CDH11: variants seen among roughly 807,000 people sequenced by gnomAD.
CDH11 encodes the protein cadherin 11, also known as cadherin-11.
Under a neutral mutation model 67.8 loss-of-function variants are expected in CDH11, and 11 were observed. The ratio of observed to expected loss-of-function variants is 0.16; its 90% CI spans 0.10 to 0.27. CDH11 has a LOEUF of 0.27. Ranked by LOEUF, CDH11 falls within the 10% of genes least tolerant of loss-of-function variation. The probability of loss-of-function intolerance (pLI) is 1.00; values close to 1 mark genes in which losing one functional copy is unlikely to be tolerated. For missense variants in CDH11, 847 were observed against 1,031.2 expected, an observed-to-expected ratio of 0.82 and a Z score of 2.45; for synonymous variants, 419 against 400.0, an observed-to-expected ratio of 1.05 and a Z score of -0.57.
chr16:64,972,756 A>G (rs942526153), intron 9 of CDH11, 148 bp downstream of exon 9: 1 of 737,538 alleles, frequency 1.4e-6, no homozygotes, highest in Non-Finnish European at 2.2e-6. Context: ...ACTCCTAGAA[A>G]GATAACCGAA....
intron 1 of CDH11, among the ~76,000 whole-genome samples, chr16:65,069,733 G>T (rs536344630): frequency 1.9e-4 from 29 of 152,244 alleles, no homozygotes; most frequent in African/African-American, 6.5e-4. Flanking sequence ...ACTTTCTTGG[G>T]TTAACAGAAC....
At chr16:65,033,322 T>C (rs1045723763) in intron 2 of CDH11, among the ~76,000 whole-genome samples, 3 of 152,006 alleles carry the variant, frequency 2.0e-5, no homozygotes, top group Non-Finnish European at 4.4e-5. Flanking sequence ...GTTGTGCATA[T>C]GCAAATAAAG....
chr16:65,121,071 T>C lies in CDH11; in HGVS notation c.-298+809A>G, dbSNP rs2075320259. ...CGCGCTCCGAGAAGCGGCGCAGGTTTCGGGAAGGTGTGGTTCTCAAAGTTA... is the reference window on the plus strand; with the variant it reads ...CGCGCTCCGAGAAGCGGCGCAGGTTCCGGGAAGGTGTGGTTCTCAAAGTTA... On this transcript the variant is annotated intron_variant, in intron 1 of 12. Coordinates refer to ENST00000268603, the MANE Select transcript of CDH11 (RefSeq NM_001797.4). This position sits in a 1 kb window ranked among gnomAD's most constrained non-coding sequence, Gnocchi z 4.1. 6.6e-6 allele frequency among the ~76,000 whole-genome samples: 1 copy of C among 152,050 alleles called. No individual in the cohort carries two copies.
At chr16:64,974,538 A>AC (rs1411145430) in intron 8 of CDH11, among the ~76,000 whole-genome samples, 7 of 151,846 alleles carry the variant, frequency 4.6e-5, no homozygotes, top group South Asian at 2.1e-4. Context: ...GGAAAGAGGG[A>AC]CCCCCCACTG....
At chr16:65,066,404 C>G (rs2074313608) in intron 1 of CDH11, among the ~76,000 whole-genome samples, 1 of 152,142 alleles carries the variant, frequency 6.6e-6, no homozygotes, top group Admixed American at 6.5e-5. Context: ...CTATTATGTG[C>G]CAGGCATCAG....
At chr16:64,966,007 A>G (rs1368484680) in intron 11 of CDH11, among the ~76,000 whole-genome samples, 5 of 152,080 alleles carry the variant, frequency 3.3e-5, no homozygotes, top group African/African-American at 1.2e-4. Flanking sequence ...AGTAAAAAGA[A>G]AAAAAAAGAA....
chr16:65,039,683 T>A (rs981981491), intron 2 of CDH11, among the ~76,000 whole-genome samples: 4 of 152,104 alleles, frequency 2.6e-5, no homozygotes, highest in African/African-American at 9.7e-5. Context: ...CCAAAAGCAA[T>A]GGCAACAAAA....
intron 1 of CDH11, among the ~76,000 whole-genome samples, chr16:65,117,443 T>C (rs1242110105): frequency 6.6e-6 from 1 of 152,172 alleles, no homozygotes; most frequent in Non-Finnish European, 1.5e-5. Flanking sequence ...TTGTGTAGCC[T>C]GGAATATGCA....
At chr16:65,053,303 C>T (rs1295583386) in intron 2 of CDH11, among the ~76,000 whole-genome samples, 1 of 152,184 alleles carries the variant, frequency 6.6e-6, no homozygotes, top group East Asian at 1.9e-4. Flanking sequence ...ATAGCACAGA[C>T]AGTGAATGGC....
chr16:65,110,776 C>T (rs561521120), intron 1 of CDH11, among the ~76,000 whole-genome samples: 101 of 151,932 alleles, frequency 6.6e-4, no homozygotes, highest in African/African-American at 2.3e-3. Context: ...CCTTTAAGCC[C>T]CTGGAGTAGA....
intron 9 of CDH11, among the ~76,000 whole-genome samples, chr16:64,972,645 A>T (rs760330617): frequency 3.3e-5 from 5 of 152,188 alleles, no homozygotes; most frequent in Non-Finnish European, 7.3e-5. Flanking sequence ...TCTTTCAGTG[A>T]TGGTTATGAG....
At position 65,021,876 on chromosome 16, in the gene CDH11, G is replaced by GAAAA. The variant is rs35700448; in HGVS notation, c.-172-16839_-172-16836dup. Among the ~76,000 whole-genome samples, 261 of 109,764 alleles carry GAAAA rather than the reference G, an allele frequency of 2.4e-3. 2 individuals carry two copies. The highest frequency in any genetic ancestry group is 0.011 in the Middle Eastern group (2 of 182). The allele number at this position is 109,764 out of a possible 152,430, so 72.0% of individuals were successfully genotyped here. On this transcript the variant is annotated intron_variant, in intron 2 of 12. Transcript: ENST00000268603. ...CTAGAATCACCCCTAAAGTAACTCA[G>GAAAA]AAAAAAAAAAAAAAAAAGAAAGAAA... is the stretch of plus-strand genomic sequence containing the variant.
intron 2 of CDH11, among the ~76,000 whole-genome samples, chr16:65,051,041 C>T (rs2074047787): frequency 6.6e-6 from 1 of 152,194 alleles, no homozygotes; most frequent in African/African-American, 2.4e-5. Flanking sequence ...GATGCACTTC[C>T]TCTGCTGAGC....
rs1376176521 is a variant in CDH11 at position 64,998,733 on chromosome 16, G to C, written c.352C>G (p.Arg118Gly). The C allele has an allele frequency of 6.2e-7, 1 of 1,613,906 alleles. No homozygotes were observed. Among genetic ancestry groups the C allele is most frequent in the Non-Finnish European group, 8.5e-7 (1 of 1,180,006 alleles). ...AACGTGTACTGGGCTCTCTCTTCTC[G>C]ATCCAACGTCTTGGTGGCATGAATG... The part of the protein sequence containing the change: ...GNIHATKTLD[R>G]EERAQYTLMA... The change falls in exon 4 of 13, where the codon CGA (arginine) becomes GGA (glycine). Residue 118 changes from arginine (R) to glycine (G), a missense_variant. Arg to Gly is a moderately radical substitution (Grantham distance 125). Transcript: ENST00000268603.
Position 64,964,795 on chromosome 16 carries a change from G to A in CDH11, c.1642+6784C>T, listed in dbSNP as rs578154162. ...GATTTCCTGACCTCGTGATCCACCC[G>A]CCTCGGCCTCCCAGAGTGCTGGGAT... On this transcript the variant is annotated intron_variant, in intron 11 of 12. Transcript: ENST00000268603. Among the ~76,000 whole-genome samples the A allele has an allele frequency of 1.6e-3, 240 of 152,110 alleles. 2 individuals carry two copies. The highest frequency in any genetic ancestry group is 5.4e-3 in the African/African-American group (226 of 41,520).
chr16:65,014,636 T>C (rs756418759), intron 2 of CDH11, among the ~76,000 whole-genome samples: 2 of 151,992 alleles, frequency 1.3e-5, no homozygotes, highest in East Asian at 3.9e-4. Context: ...ATTGCAATAG[T>C]TCAGGTGAGA....
intron 2 of CDH11, among the ~76,000 whole-genome samples, chr16:65,041,216 G>GT (rs1376791276): frequency 6.6e-6 from 1 of 152,132 alleles, no homozygotes; most frequent in African/African-American, 2.4e-5. Context: ...CATGTTTTCC[G>GT]TATTTTCTTT....
intron 1 of CDH11, among the ~76,000 whole-genome samples, chr16:65,106,900 G>T (rs1325840438): frequency 6.6e-6 from 1 of 151,432 alleles, no homozygotes; most frequent in Admixed American, 6.6e-5. Context: ...AAATAATTCT[G>T]GGTGGGGAGA....
chr16:65,093,079 G>C (rs1382371725), intron 1 of CDH11, among the ~76,000 whole-genome samples: 1 of 151,670 alleles, frequency 6.6e-6, no homozygotes, highest in Non-Finnish European at 1.5e-5. Context: ...AGGGTTTACA[G>C]GCATGTGCCA....
Sources: gnomAD v4.1 joint callset for allele counts (sites outside exome capture counted in the v4.1 genomes callset) on GRCh38, gnomAD v4.1.1 for gene constraint, Gnocchi (gnomAD v3.1) non-coding constraint, MANE v1.5 for transcripts, NCBI Gene and HGNC (gene_info 2026-07-23, HGNC 2026-07-21) for gene names.